The following MINK1 variants were observed in gnomAD, a reference collection of about 807,000 sequenced individuals.
The protein encoded by MINK1 is misshapen like kinase 1, also known as misshapen-like kinase 1.
Under a neutral mutation model 178.4 loss-of-function variants are expected in MINK1, and 46 were observed. The observed-to-expected ratio is 0.26, with a 90% confidence interval of 0.20 to 0.33. The LOEUF (loss-of-function observed/expected upper bound fraction) is 0.33. MINK1 is among the 10% of genes least tolerant of loss of function. MINK1 has a pLI of 1.00. For missense variants in MINK1, 1,366 were observed against 1,814.9 expected (o/e 0.75, Z 4.49); for synonymous variants, 797 against 709.7 (o/e 1.12, Z -1.96).
intron 1 of MINK1, among the ~76,000 whole-genome samples, chr17:4,861,878 A>G (rs1330487431): frequency 1.3e-5 from 2 of 152,224 alleles, no homozygotes; most frequent in Non-Finnish European, 2.9e-5. Context: ...AGCTCTAGTG[A>G]GTGAGAGAAA....
rs1969490985 is a variant in MINK1, at chr17:4,896,465, C to A, written c.3652C>A (p.Leu1218Ile). ...GATCACGCCCCATGCCATCATCTTCCTCCCCAACACCGACGGCATGGAGAT... is the reference window on the plus strand; with the variant it reads ...GATCACGCCCCATGCCATCATCTTCATCCCCAACACCGACGGCATGGAGAT... ...SQITPHAIIF[L>I]PNTDGMEMLL... The change falls in exon 30 of 32, where the codon CTC (leucine) becomes ATC (isoleucine). Residue 1218 changes from leucine (L) to isoleucine (I), a missense_variant. By Grantham distance (5) the Leu-to-Ile change is conservative. Transcript: ENST00000355280. This position sits in a 1 kb window ranked among gnomAD's most constrained non-coding sequence, Gnocchi z 4.6. 6.2e-7 allele frequency: 1 copy of A among 1,613,978 alleles called. No individual in the cohort carries two copies. Among genetic ancestry groups the A allele is most frequent in the South Asian group, 1.1e-5 (1 of 91,090 alleles).
chr17:4,843,893 A>G (rs560184680), intron 1 of MINK1, among the ~76,000 whole-genome samples: 4 of 152,300 alleles, frequency 2.6e-5, no homozygotes, highest in African/African-American at 9.6e-5. Context: ...ACCTGCTCCC[A>G]CGTGGCGGTG....
At chr17:4,877,234 C>CCTCCCGACCG (rs1168647572) in intron 1 of MINK1, among the ~76,000 whole-genome samples, 1 of 152,080 alleles carries the variant, frequency 6.6e-6, no homozygotes, top group Admixed American at 6.5e-5. Context: ...GTGTGGGTGG[C>CCTCCCGACCG]CTCCCGACCG....
chr17:4,847,833 T>C (rs180887502), intron 1 of MINK1, among the ~76,000 whole-genome samples: 1 of 151,818 alleles, frequency 6.6e-6, no homozygotes, highest in Non-Finnish European at 1.5e-5. Flanking sequence ...TGTTGGAGTG[T>C]GGGTATGGAG....
chr17:4,857,640 G>A (rs1913416973), intron 1 of MINK1, among the ~76,000 whole-genome samples: 1 of 151,680 alleles, frequency 6.6e-6, no homozygotes. Flanking sequence ...CTAATTTTTT[G>A]TATTTTTAGT....
At position 4,890,497 on chromosome 17, in the gene MINK1, C is replaced by T. The variant is rs1374800621; in HGVS notation, c.1348-20C>T. 3 of 1,572,900 alleles carry T rather than the reference C, an allele frequency of 1.9e-6. No individual in the cohort carries two copies. The highest frequency in any genetic ancestry group is 1.9e-5 in the Admixed American group (1 of 53,696). ...AGGGCCACACCCTGCTGAGCCCTCT[C>T]TCCCTACCCTTGGGCCCAGGAATAC... On this transcript the variant is annotated intron_variant, in intron 13 of 31. Transcript: ENST00000355280.
intron 21 of MINK1, 102 bp downstream of exon 21, chr17:4,893,699 C>A (rs565853349): frequency 1.4e-6 from 2 of 1,396,458 alleles, no homozygotes; most frequent in Admixed American, 2.9e-5. Context: ...TGAGGGAGAG[C>A]GGCTCCCTTC....
intron 1 of MINK1, chr17:4,871,046 G>A (rs56795432): frequency 0.03 from 10,626 of 356,994 alleles, 935 homozygotes; most frequent in African/African-American, 0.2. Flanking sequence ...TATTCTGGAC[G>A]TTACACATAA....
chr17:4,871,266 C>T (rs1915831360), intron 1 of MINK1, among the ~76,000 whole-genome samples: 1 of 148,414 alleles, frequency 6.7e-6, no homozygotes, highest in Non-Finnish European at 1.5e-5. Flanking sequence ...TCATAGGTCA[C>T]TACTGCCTTC....
chr17:4,877,427 G>A (rs962251777), intron 1 of MINK1, among the ~76,000 whole-genome samples: 22 of 152,114 alleles, frequency 1.4e-4, no homozygotes, highest in Non-Finnish European at 2.5e-4. Context: ...GACTCCCTCC[G>A]TCCAGGTCCC....
chr17:4,861,254 A>G (rs1914122920), intron 1 of MINK1, among the ~76,000 whole-genome samples: 1 of 152,216 alleles, frequency 6.6e-6, no homozygotes, highest in Admixed American at 6.5e-5. Flanking sequence ...CTTGCATTGT[A>G]TGCGGAGCTG....
At position 4,894,223 on chromosome 17, in the gene MINK1, C is replaced by T; in HGVS notation, c.2720C>T (p.Thr907Ile). 6.2e-7 allele frequency: 1 copy of T among 1,613,542 alleles called. No homozygotes were observed. ...CTGCATGCTGACAGCAATGGGTACA[C>T]AAACCTGCCTGACGTGGTCCAGCCC... Reference protein sequence around the residue: ...NLLHADSNGYTNLPDVVQPSH... With the variant: ...NLLHADSNGYINLPDVVQPSH... Residue 907 changes from threonine (T) to isoleucine (I), a missense_variant, in exon 23 of 32, where the codon ACA becomes ATA. By Grantham distance (89) the Thr-to-Ile change is moderately conservative. This residue lies in a region of MINK1 where 709 missense variants were observed against 692.3 expected (regional missense o/e 1.02). Transcript: ENST00000355280. The surrounding 1 kb of genome is among the most constrained non-coding windows in gnomAD (Gnocchi z 4.1).
In MINK1 at chr17:4,886,559, G is replaced by A. The variant is rs199645966; in HGVS notation, c.882G>A (p.Thr294=). 2.5e-5 allele frequency: 41 copies of A among 1,613,218 alleles called. No individual in the cohort carries two copies. Among genetic ancestry groups the A allele is most frequent in the Admixed American group, 1.7e-4 (10 of 59,918 alleles). ...LKFPFIRDQP[T]ERQVRIQLKD... Reference sequence around the variant, plus strand: ...TTCCCTTCATCCGGGACCAGCCCACGGAGCGGCAGGTCCGCATCCAGCTTA... The same window carrying A: ...TTCCCTTCATCCGGGACCAGCCCACAGAGCGGCAGGTCCGCATCCAGCTTA... The change falls in exon 10 of 32, where the codon ACG becomes ACA. Residue 294 remains threonine, a synonymous_variant. Coordinates refer to ENST00000355280, the MANE Select transcript of MINK1 (RefSeq NM_153827.5). The surrounding 1 kb of genome is among the most constrained non-coding windows in gnomAD (Gnocchi z 6.1).
intron 2 of MINK1, 101 bp from the exon 3 acceptor site, chr17:4,880,883 G>C: frequency 2.5e-6 from 3 of 1,218,576 alleles, no homozygotes; most frequent in South Asian, 1.7e-5. Flanking sequence ...CTGGGCGACA[G>C]AGCGAGACCC....
intron 1 of MINK1, among the ~76,000 whole-genome samples, chr17:4,856,246 C>A (rs1430765721): frequency 6.6e-6 from 1 of 152,130 alleles, no homozygotes; most frequent in African/African-American, 2.4e-5. Context: ...TTCTTCAGGC[C>A]TGGGAGGCCA....
At chr17:4,888,927 C>T (rs182870995) in intron 12 of MINK1, among the ~76,000 whole-genome samples, 9 of 152,074 alleles carry the variant, frequency 5.9e-5, no homozygotes, top group East Asian at 3.9e-4. Context: ...CTCGAACTCC[C>T]GACCTCAGGT....
At chr17:4,854,516 A>G (rs1912702647) in intron 1 of MINK1, among the ~76,000 whole-genome samples, 1 of 152,182 alleles carries the variant, frequency 6.6e-6, no homozygotes, top group Non-Finnish European at 1.5e-5. Context: ...GTATTCATGT[A>G]TGTGTCATGT....
intron 1 of MINK1, among the ~76,000 whole-genome samples, chr17:4,869,328 G>A (rs560738274): frequency 4.0e-5 from 6 of 151,684 alleles, no homozygotes; most frequent in African/African-American, 1.5e-4. Context: ...CCAGGCTGCA[G>A]TGCAATGGCA....
In MINK1 at chr17:4,881,245, T is replaced by C; in HGVS notation, c.294T>C (p.Asp98=). ...TCAAGAAGAGCCCCCCGGGAAACGATGACCAGCTCTGGGTGAGAAACGCCC... is the reference window on the plus strand; with the variant it reads ...TCAAGAAGAGCCCCCCGGGAAACGACGACCAGCTCTGGGTGAGAAACGCCC... The part of the protein sequence containing the change: ...AFIKKSPPGN[D]DQLWLVMEFC... The change falls in exon 4 of 32, where the codon GAT becomes GAC. Residue 98 remains aspartate (D), a synonymous_variant. Coordinates refer to ENST00000355280, the MANE Select transcript of MINK1 (RefSeq NM_153827.5). 2.6e-6 allele frequency: 4 copies of C among 1,537,150 alleles called. No individual in the cohort carries two copies. The highest frequency in any genetic ancestry group is 2.4e-5 in the South Asian group (2 of 84,052).
Sources: allele counts gnomAD v4.1 joint callset (sites outside exome capture counted in the v4.1 genomes callset), GRCh38; gene constraint gnomAD v4.1.1; regional missense constraint gnomAD v4.1.1; non-coding constraint Gnocchi (gnomAD v3.1); transcripts MANE v1.5; gene names NCBI Gene and HGNC (gene_info 2026-07-23, HGNC 2026-07-21).